ARHGEF6: variants seen among roughly 807,000 people sequenced by gnomAD.
The protein encoded by ARHGEF6 is rho guanine nucleotide exchange factor 6.
In ARHGEF6, 9 loss-of-function variants were observed where a neutral mutation model predicts 70.3. The ratio of observed to expected loss-of-function variants is 0.13; its 90% CI spans 0.08 to 0.22. The LOEUF (loss-of-function observed/expected upper bound fraction) is 0.22, where lower values mean the gene tolerates loss of function less well. Ranked by LOEUF, ARHGEF6 falls within the 10% of genes least tolerant of loss-of-function variation. ARHGEF6 has a pLI of 1.00. For missense variants in ARHGEF6, 470 were observed against 563.0 expected, an observed-to-expected ratio of 0.83 and a Z score of 1.67; for synonymous variants, 201 against 207.8, an observed-to-expected ratio of 0.97 and a Z score of 0.28.
chrX:136,714,500 G>A (rs1182613241), intron 6 of ARHGEF6, among the ~76,000 whole-genome samples: 1 of 112,360 alleles, frequency 8.9e-6, no homozygotes, highest in Non-Finnish European at 1.9e-5. Context: ...AATCGACTGA[G>A]TGCCTATTCT....
Position 136,675,087 on chromosome X carries a change from G to A in ARHGEF6, c.1955C>T (p.Ala652Val). 8.3e-7 allele frequency: 1 copy of A among 1,209,726 alleles called. No homozygotes were observed. Among genetic ancestry groups the A allele is most frequent in the Non-Finnish European group, 1.1e-6 (1 of 893,602 alleles). The change falls in exon 19 of 22, where the codon GCT becomes GTT. Residue 652 changes from alanine (A) to valine (V), a missense_variant. Ala to Val is a moderately conservative substitution (Grantham distance 64). Around this residue, in one of 3 missense-constraint regions of ARHGEF6, gnomAD observed 88 missense variants for 95.5 expected, o/e 0.92. Coordinates refer to ENST00000250617, the MANE Select transcript of ARHGEF6 (RefSeq NM_004840.3). ...AAGGATTTGAGCATCCTCTTCCAGA[G>A]CAGCTGTACCTGTGAAATTTAATTC... ...EEYVIRKSTAALEEDAQILKV... is the reference protein window; with the variant it reads ...EEYVIRKSTAVLEEDAQILKV...
In ARHGEF6 at chrX:136,743,665, T is replaced by C. The variant is rs182216332; in HGVS notation, c.581A>G (p.Glu194Gly). Residue 194 changes from glutamate to glycine, a missense_variant, in exon 5 of 22, where the codon GAA becomes GGA. This residue lies in a region of ARHGEF6 where 379 missense variants were observed against 449.3 expected (regional missense o/e 0.84). Coordinates refer to ENST00000250617, the MANE Select transcript of ARHGEF6 (RefSeq NM_004840.3). ...TAATGTGCCTTCCCACCAGCCTCCT[T>C]CTTCAACTCGTGTGACGTAAATGAT... ...GDIIYVTRVE[E>G]GGWWEGTLNG... The C allele has an allele frequency of 8.3e-7, 1 of 1,210,370 alleles. No homozygotes were observed. Among genetic ancestry groups the C allele is most frequent in the East Asian group, 3.0e-5 (1 of 33,778 alleles).
intron 8 of ARHGEF6, among the ~76,000 whole-genome samples, chrX:136,708,069 C>A (rs1031318032): frequency 3.6e-5 from 4 of 111,826 alleles, no homozygotes; most frequent in African/African-American, 1.3e-4. Flanking sequence ...ATCTGTGAAA[C>A]TGAATGAATC....
chrX:136,723,887 G>A (rs1024079001), intron 6 of ARHGEF6, among the ~76,000 whole-genome samples: 1 of 110,413 alleles, frequency 9.1e-6, no homozygotes, highest in Non-Finnish European at 1.9e-5. Context: ...ATCAAATCGC[G>A]CCACTGCACT....
Position 136,665,935 on chromosome X carries a change from G to A in ARHGEF6, c.*2094C>T, listed in dbSNP as rs2076157972. On this transcript the variant is annotated 3_prime_UTR_variant, in exon 22 of 22. Transcript: ENST00000250617. The stretch of plus-strand genomic sequence containing the variant: ...AAATGAAGACCTTTCAATATTTTCA[G>A]CAATCAACTAAAGTATTCCGTAATC... The A allele has an allele frequency of 8.9e-6, 1 of 112,526 alleles. No homozygotes were observed. The highest frequency in any genetic ancestry group is 1.9e-5 in the Non-Finnish European group (1 of 53,278). The allele number at this position is 112,526 out of a possible 1,213,427, so 9.3% of individuals were successfully genotyped here. A position where few individuals can be genotyped will look rare whatever the true frequency, so the allele number is the denominator to read the frequency against.
chrX:136,765,524 C>G lies in ARHGEF6; in HGVS notation c.249+13890G>C, dbSNP rs184830805. On this transcript the variant is annotated intron_variant, in intron 2 of 21. Coordinates refer to ENST00000250617, the MANE Select transcript of ARHGEF6 (RefSeq NM_004840.3). ...AGACCATCCTTTGAAAAACTCTCCTCCTGTCCTTACCCCTAAGAACAGCGC... is the reference window on the plus strand; with the variant it reads ...AGACCATCCTTTGAAAAACTCTCCTGCTGTCCTTACCCCTAAGAACAGCGC... Among the ~76,000 whole-genome samples, 38 of 112,216 alleles carry G rather than the reference C, an allele frequency of 3.4e-4. No individual in the cohort carries two copies. In the East Asian group the frequency reaches 9.8e-3, roughly 29 times the overall value.
At chrX:136,689,612 C>T (rs1054235260) in intron 10 of ARHGEF6, among the ~76,000 whole-genome samples, 6 of 112,046 alleles carry the variant, frequency 5.4e-5, no homozygotes, top group African/African-American at 1.6e-4. Context: ...CCACTGCCTC[C>T]GGCTTTCAGG....
At chrX:136,686,627 T>C (rs778814978) in intron 11 of ARHGEF6, among the ~76,000 whole-genome samples, 2,217 of 52,114 alleles carry the variant, frequency 0.043, 22 homozygotes, top group African/African-American at 0.085. Flanking sequence ...TATATACACA[T>C]ATATATATAT....
intron 6 of ARHGEF6, among the ~76,000 whole-genome samples, chrX:136,721,525 T>G (rs1409312377): frequency 9.0e-6 from 1 of 111,360 alleles, no homozygotes; most frequent in Non-Finnish European, 1.9e-5. Context: ...ATCACACCAC[T>G]GCACTCCAGT....
At position 136,721,146 on chromosome X, in the gene ARHGEF6, C is replaced by A. The variant is rs1391971245; in HGVS notation, c.733-7776G>T. 1.3e-4 allele frequency among the ~76,000 whole-genome samples: 15 copies of A among 111,770 alleles called. No homozygotes were observed. The Admixed American group carries it at 1.4e-3, about 11-fold the overall frequency. Reference sequence around the variant, plus strand: ...TGTGGATATTGACAGATTCAAATTCCAAAAATAAAAATAAAACCAGTATGT... The same window carrying A: ...TGTGGATATTGACAGATTCAAATTCAAAAAATAAAAATAAAACCAGTATGT... On this transcript the variant is annotated intron_variant, in intron 6 of 21. Coordinates refer to ENST00000250617, the MANE Select transcript of ARHGEF6 (RefSeq NM_004840.3).
chrX:136,693,532 C>G (rs1274862203), intron 9 of ARHGEF6, among the ~76,000 whole-genome samples: 1 of 111,861 alleles, frequency 8.9e-6, no homozygotes, highest in Non-Finnish European at 1.9e-5. Flanking sequence ...TTTGAAATAG[C>G]AGTGGATTAA....
intron 11 of ARHGEF6, among the ~76,000 whole-genome samples, chrX:136,686,848 T>C (rs1254390533): frequency 9.6e-6 from 1 of 103,851 alleles, no homozygotes; most frequent in African/African-American, 3.5e-5. Context: ...TCCAAATGAA[T>C]GTAAGATAAT....
intron 2 of ARHGEF6, among the ~76,000 whole-genome samples, chrX:136,753,180 C>G (rs2077170527): frequency 8.9e-6 from 1 of 112,496 alleles, no homozygotes; most frequent in Non-Finnish European, 1.9e-5. Flanking sequence ...TAAATAATAG[C>G]TGTTCCTATT....
At chrX:136,677,378 C>G (rs761986752) in intron 17 of ARHGEF6, among the ~76,000 whole-genome samples, 1 of 111,670 alleles carries the variant, frequency 9.0e-6, no homozygotes, top group Non-Finnish European at 1.9e-5. Flanking sequence ...AACTAGTAGA[C>G]AAAATAAATG....
At chrX:136,775,468 C>T (rs747861566) in intron 2 of ARHGEF6, among the ~76,000 whole-genome samples, 84 of 112,014 alleles carry the variant, frequency 7.5e-4, no homozygotes, top group African/African-American at 2.1e-3. Context: ...TCAATAGATG[C>T]AGAAAAAGCA....
intron 6 of ARHGEF6, among the ~76,000 whole-genome samples, chrX:136,721,860 T>C (rs893352953): frequency 2.7e-5 from 3 of 111,098 alleles, no homozygotes; most frequent in Non-Finnish European, 5.7e-5. Flanking sequence ...AGAGCTCTTG[T>C]GCAACATTGT....
At chrX:136,735,217 A>G (rs1336317067) in intron 5 of ARHGEF6, among the ~76,000 whole-genome samples, 1 of 111,699 alleles carries the variant, frequency 9.0e-6, no homozygotes, top group Non-Finnish European at 1.9e-5. Context: ...ATAAACTTGG[A>G]AAGTCTAAAA....
intron 5 of ARHGEF6, among the ~76,000 whole-genome samples, chrX:136,735,223 T>TA (rs747807767): frequency 9.0e-6 from 1 of 111,368 alleles, no homozygotes; most frequent in South Asian, 3.8e-4. Flanking sequence ...TTGGAAAGTC[T>TA]AAAAAAATGT....
intron 12 of ARHGEF6, among the ~76,000 whole-genome samples, chrX:136,683,344 T>G (rs2076352350): frequency 2.7e-5 from 3 of 110,383 alleles, no homozygotes; most frequent in African/African-American, 1.0e-4. Context: ...ATGTAAAACA[T>G]AAAAGTAGAT....
Sources: gnomAD v4.1 joint callset for allele counts (sites outside exome capture counted in the v4.1 genomes callset) on GRCh38, gnomAD v4.1.1 for gene constraint, gnomAD v4.1.1 regional missense constraint, MANE v1.5 for transcripts, NCBI Gene and HGNC (gene_info 2026-07-23, HGNC 2026-07-21) for gene names.